The following PSME4 variants were observed in gnomAD, a reference collection of about 807,000 sequenced individuals.
PSME4 encodes proteasome activator complex subunit 4.
Under a neutral mutation model 253.9 loss-of-function variants are expected in PSME4, and 89 were observed. That is an observed-to-expected ratio of 0.35 (90% CI 0.30 to 0.42). The LOEUF is 0.42. PSME4 is among the 10% of genes least tolerant of loss of function. The probability of loss-of-function intolerance (pLI) is 1.00; values close to 1 mark genes in which losing one functional copy is unlikely to be tolerated. For missense variants in PSME4, 2,014 were observed against 2,195.2 expected, an observed-to-expected ratio of 0.92 and a Z score of 1.65; for synonymous variants, 851 against 759.2, an observed-to-expected ratio of 1.12 and a Z score of -1.99.
chr2:53,885,872 T>A, intron 40 of PSME4, 97 bp from the exon 41 acceptor site: 1 of 748,310 alleles, frequency 1.3e-6, no homozygotes, highest in Non-Finnish European at 2.2e-6. Flanking sequence ...ACAGCCACTC[T>A]GACAGCTCTT....
chr2:53,937,425 A>T lies in PSME4; in HGVS notation c.661T>A (p.Ser221Thr). 6.2e-7 allele frequency: 1 copy of T among 1,608,020 alleles called. No individual in the cohort carries two copies. The highest frequency in any genetic ancestry group is 8.5e-7 in the Non-Finnish European group (1 of 1,176,500). The change falls in exon 5 of 47, where the codon TCC (serine) becomes ACC (threonine). Residue 221 changes from serine to threonine, a missense_variant. By Grantham distance (58) the Ser-to-Thr change is moderately conservative. This residue lies in a region of PSME4 where 615 missense variants were observed against 594.4 expected (regional missense o/e 1.03). Coordinates refer to ENST00000404125, the MANE Select transcript of PSME4 (RefSeq NM_014614.3). ...TTATGATGAAGTTCTGGAGGAAGGG[A>T]GGTAGGAAGAAATATTTCAAAATAA... ...ITYFEIFLPT[S>T]LPPELHHKGF...
chr2:53,893,628 A>G, intron 35 of PSME4, 46 bp downstream of exon 35: 1 of 1,592,234 alleles, frequency 6.3e-7, no homozygotes, highest in East Asian at 2.3e-5. Context: ...TACGAACTGA[A>G]TAGTTACTAA....
chr2:53,935,142 G>A (rs939281713), intron 7 of PSME4, among the ~76,000 whole-genome samples: 1 of 152,160 alleles, frequency 6.6e-6, no homozygotes, highest in Non-Finnish European at 1.5e-5. Flanking sequence ...CTAAATGCAA[G>A]TATCTTCTAG....
At chr2:53,937,320 T>A in intron 5 of PSME4, 71 bp downstream of exon 5, 1 of 1,338,432 alleles carries the variant, frequency 7.5e-7, no homozygotes, top group Non-Finnish European at 1.0e-6. Context: ...TAGTTGTTAT[T>A]GTTTTACTAG....
At chr2:53,878,996 G>A (rs1268318109) in intron 41 of PSME4, among the ~76,000 whole-genome samples, 1 of 152,066 alleles carries the variant, frequency 6.6e-6, no homozygotes, top group Non-Finnish European at 1.5e-5. Flanking sequence ...TACGGCTCAG[G>A]GGCATCAAGG....
intron 41 of PSME4, among the ~76,000 whole-genome samples, chr2:53,880,096 G>C (rs1679310256): frequency 6.6e-6 from 1 of 152,086 alleles, no homozygotes; most frequent in African/African-American, 2.4e-5. Context: ...AACTTAAGTT[G>C]GAAAATAAAA....
intron 3 of PSME4, among the ~76,000 whole-genome samples, chr2:53,946,262 C>T (rs1669693578): frequency 6.6e-6 from 1 of 152,162 alleles, no homozygotes; most frequent in Non-Finnish European, 1.5e-5. Flanking sequence ...TACTGAAGAA[C>T]AGGGTATCAC....
chr2:53,942,908 A>C (rs939697115), intron 3 of PSME4, among the ~76,000 whole-genome samples: 2 of 152,184 alleles, frequency 1.3e-5, no homozygotes, highest in Non-Finnish European at 2.9e-5. Flanking sequence ...GTTTCAACCA[A>C]TGATTCTGTG....
chr2:53,929,595 A>ATT (rs1278214890), intron 10 of PSME4, among the ~76,000 whole-genome samples: 6 of 141,702 alleles, frequency 4.2e-5, no homozygotes, highest in Admixed American at 3.5e-4. Flanking sequence ...CTAGCTGCTT[A>ATT]TTTTTTTTTT....
At chr2:53,932,619 C>T (rs1341126564) in intron 9 of PSME4, 49 bp downstream of exon 9, 3 of 1,435,948 alleles carry the variant, frequency 2.1e-6, no homozygotes, top group East Asian at 2.3e-5. Context: ...CAAGGATGAC[C>T]ATATCTTTAA....
chr2:53,923,904 C>A (rs1668440387), intron 14 of PSME4, among the ~76,000 whole-genome samples: 1 of 99,938 alleles, frequency 1.0e-5, no homozygotes. Context: ...GCCCAGGTGA[C>A]AGAGTTAACA....
chr2:53,906,974 C>G, intron 24 of PSME4, 106 bp from the exon 25 acceptor site: 1 of 932,706 alleles, frequency 1.1e-6, no homozygotes, highest in Non-Finnish European at 1.7e-6. Flanking sequence ...CCCTGGTTGA[C>G]TGGTGAGTGG....
At chr2:53,927,718 G>A (rs575912041) in intron 11 of PSME4, among the ~76,000 whole-genome samples, 3 of 152,178 alleles carry the variant, frequency 2.0e-5, no homozygotes, top group African/African-American at 2.4e-5. Context: ...AGGCTGAGGC[G>A]GGTGGATCAC....
Position 53,864,508 on chromosome 2 carries a change from T to G in PSME4, c.*1070A>C, listed in dbSNP as rs1227349630. The stretch of plus-strand genomic sequence containing the variant: ...AATTTAAAAACACAAAAAATGGCAT[T>G]CAGTGGGTACAAAGCCCAAAATCAC... On this transcript the variant is annotated 3_prime_UTR_variant, in exon 47 of 47. Transcript: ENST00000404125. 6.6e-6 allele frequency: 1 copy of G among 152,386 alleles called. No homozygotes were observed. Among genetic ancestry groups the G allele is most frequent in the Admixed American group, 6.5e-5 (1 of 15,268 alleles). The allele number at this position is 152,386 out of a possible 1,614,324, so 9.4% of individuals were successfully genotyped here.
intron 44 of PSME4, among the ~76,000 whole-genome samples, chr2:53,868,916 T>C (rs1340830427): frequency 6.6e-6 from 1 of 152,036 alleles, no homozygotes; most frequent in Non-Finnish European, 1.5e-5. Context: ...TTCAATTAGA[T>C]TGGAAGCTCC....
chr2:53,899,860 A>G (rs1680313793), intron 29 of PSME4, 21 bp downstream of exon 29: 3 of 1,609,792 alleles, frequency 1.9e-6, no homozygotes, highest in African/African-American at 2.7e-5. Flanking sequence ...CATCTATTGA[A>G]GTACACCATT....
In PSME4 at chr2:53,895,137, T is replaced by C. The variant is rs1252753886; in HGVS notation, c.3843-61A>G. 6 of 1,427,184 alleles carry C rather than the reference T, an allele frequency of 4.2e-6. No individual in the cohort carries two copies. The African/African-American group carries it at 5.7e-5, about 14-fold the overall frequency. The allele number at this position is 1,427,184 out of a possible 1,614,324, so 88.4% of individuals were successfully genotyped here. ...GAAAAAAATATTAGAGCTTCATGGA[T>C]AGAAAGCATTAGAAGGCACTTTTAA... On this transcript the variant is annotated intron_variant, in intron 33 of 46. Transcript: ENST00000404125.
Position 53,923,370 on chromosome 2 carries a change from G to A in PSME4, c.1859C>T (p.Thr620Ile). The change falls in exon 15 of 47, where the codon ACA (threonine) becomes ATA (isoleucine). Residue 620 changes from threonine to isoleucine, a missense_variant. Physicochemically the swap from Thr to Ile is moderately conservative, Grantham distance 89. Coordinates refer to ENST00000404125, the MANE Select transcript of PSME4 (RefSeq NM_014614.3). Reference protein sequence around the residue: ...FNFSTSHIFETRVAGRMVADM... With the variant: ...FNFSTSHIFEIRVAGRMVADM... ...TGCCACCATGCGACCTGCTACTCTT[G>A]TTTCAAATATATGTGAAGTAGAAAA... is the stretch of plus-strand genomic sequence containing the variant. The A allele has an allele frequency of 1.2e-6, 2 of 1,611,164 alleles. No individual in the cohort carries two copies. Among genetic ancestry groups the A allele is most frequent in the Non-Finnish European group, 1.7e-6 (2 of 1,179,204 alleles).
chr2:53,953,069 CA>C (rs1049469041), intron 1 of PSME4, among the ~76,000 whole-genome samples: 19 of 152,162 alleles, frequency 1.2e-4, no homozygotes, highest in Non-Finnish European at 2.2e-4. Flanking sequence ...GGGCTGCTGA[CA>C]AATCTAAAGA....
Sources: allele counts gnomAD v4.1 joint callset (sites outside exome capture counted in the v4.1 genomes callset), GRCh38; gene constraint gnomAD v4.1.1; regional missense constraint gnomAD v4.1.1; transcripts MANE v1.5; gene names NCBI Gene and HGNC (gene_info 2026-07-23, HGNC 2026-07-21).